TAFA2: variants seen among roughly 807,000 people sequenced by gnomAD.
TAFA2 encodes TAFA chemokine like family member 2, also known as chemokine-like protein TAFA-2.
Under a neutral mutation model 18.8 loss-of-function variants are expected in TAFA2, and 7 were observed. That is an observed-to-expected ratio of 0.37 (90% confidence interval 0.21 to 0.70). TAFA2 has a LOEUF of 0.70. Among genes scored for constraint, TAFA2 ranks in the 30% least tolerant of loss-of-function variants. The probability of loss-of-function intolerance (pLI) is 0.53; values close to 1 mark genes in which losing one functional copy is unlikely to be tolerated. For synonymous variants in TAFA2, 60 were observed against 54.2 expected (o/e 1.11, Z -0.47); for missense variants, 122 against 158.1 (o/e 0.77, Z 1.23).
chr12:61,902,746 T>G (rs566380235), intron 1 of TAFA2, among the ~76,000 whole-genome samples: 1 of 152,272 alleles, frequency 6.6e-6, no homozygotes, highest in South Asian at 2.1e-4. Context: ...GTGCCAAACC[T>G]GCACATTCAA....
At chr12:62,206,832 T>C (rs1404247801) in intron 1 of TAFA2, 2 of 152,110 alleles carry the variant, frequency 1.3e-5, no homozygotes, top group Non-Finnish European at 2.9e-5. Context: ...ATGGACCTGA[T>C]ATCACATATT....
At chr12:61,795,056 T>C (rs370698631) in intron 2 of TAFA2, among the ~76,000 whole-genome samples, 1 of 151,952 alleles carries the variant, frequency 6.6e-6, no homozygotes, top group Non-Finnish European at 1.5e-5. Context: ...GTTAGAATGG[T>C]GATCATTAAA....
chr12:62,006,053 ATTTC>A (rs1880539551), intron 1 of TAFA2, among the ~76,000 whole-genome samples: 1 of 152,028 alleles, frequency 6.6e-6, no homozygotes, highest in Admixed American at 6.6e-5. Context: ...GCTTTATTGT[ATTTC>A]TTTCTTCTCT....
chr12:61,959,269 A>G (rs564632846), intron 1 of TAFA2, among the ~76,000 whole-genome samples: 8 of 152,136 alleles, frequency 5.3e-5, no homozygotes, highest in Admixed American at 5.2e-4. Flanking sequence ...GAAAGTTGAT[A>G]TTTTCATAAT....
intron 2 of TAFA2, among the ~76,000 whole-genome samples, chr12:61,818,146 C>A (rs902906955): frequency 6.6e-6 from 1 of 152,184 alleles, no homozygotes; most frequent in Admixed American, 6.6e-5. Flanking sequence ...TTTTCTAAAG[C>A]CTCGACTTTC....
At position 61,730,271 on chromosome 12, in the gene TAFA2, T is replaced by G. The variant is rs377735160; in HGVS notation, c.385-19854A>C. On this transcript the variant is annotated intron_variant, in intron 4 of 4. Coordinates refer to ENST00000416284, the MANE Select transcript of TAFA2 (RefSeq NM_178539.5). ...TGGTTAGCCAGGATGTTATAGGCAG[T>G]GGAATTAGCTGGTGTATTTTTCTTC... Among the ~76,000 whole-genome samples, 46 of 152,186 alleles carry G rather than the reference T, an allele frequency of 3.0e-4. No individual in the cohort carries two copies. The East Asian group carries it at 8.7e-3, about 29-fold the overall frequency.
intron 1 of TAFA2, among the ~76,000 whole-genome samples, chr12:62,029,352 T>C (rs1011698565): frequency 2.6e-5 from 4 of 152,188 alleles, no homozygotes; most frequent in African/African-American, 7.2e-5. Flanking sequence ...ACATTAATAT[T>C]ATGCTTGTTA....
chr12:61,960,344 C>A (rs1418372339), intron 1 of TAFA2, among the ~76,000 whole-genome samples: 1 of 151,908 alleles, frequency 6.6e-6, no homozygotes, highest in Non-Finnish European at 1.5e-5. Context: ...TCACAATAAC[C>A]CATTACATTG....
At chr12:62,000,745 T>C (rs1880350998) in intron 1 of TAFA2, among the ~76,000 whole-genome samples, 1 of 152,258 alleles carries the variant, frequency 6.6e-6, no homozygotes, top group African/African-American at 2.4e-5. Context: ...TAGAATACTA[T>C]GCAGCAATGC....
rs1192063371 is a variant in TAFA2, at chr12:61,982,723, T to C, written c.-1-115297A>G. ...ATATATGGATAAGAGAGAAAGATCA[T>C]CCTCAAACATATTCATTTACCTTTG... On this transcript the variant is annotated intron_variant, in intron 1 of 4. Transcript: ENST00000416284. Among the ~76,000 whole-genome samples, 6 of 152,042 alleles carry C rather than the reference T, an allele frequency of 3.9e-5. No individual in the cohort carries two copies. In the East Asian group the frequency reaches 1.2e-3, roughly 29 times the overall value.
chr12:61,755,139 G>A (rs1460015457), intron 2 of TAFA2, 115 bp from the exon 3 acceptor site: 1 of 860,280 alleles, frequency 1.2e-6, no homozygotes, highest in African/African-American at 1.7e-5. Context: ...CACCAGGCAT[G>A]AAACGAGAAA....
chr12:62,196,221 T>G (rs1239057036), upstream of TAFA2, among the ~76,000 whole-genome samples: 1 of 152,248 alleles, frequency 6.6e-6, no homozygotes, highest in African/African-American at 2.4e-5. Flanking sequence ...AGACCCTGGC[T>G]AAAAGGAATG....
At chr12:62,241,076 T>G (rs758026383) in intron 1 of TAFA2, among the ~76,000 whole-genome samples, 1 of 152,146 alleles carries the variant, frequency 6.6e-6, no homozygotes, top group Non-Finnish European at 1.5e-5. Context: ...TTTTGCAACA[T>G]GTTATATAAA....
intron 1 of TAFA2, among the ~76,000 whole-genome samples, chr12:62,110,252 T>C (rs930493511): frequency 6.6e-6 from 1 of 152,228 alleles, no homozygotes; most frequent in South Asian, 2.1e-4. Flanking sequence ...GTTTTCGTCA[T>C]TGCTTCTGTT....
At chr12:62,204,591 T>C (rs1407180825) in intron 1 of TAFA2, among the ~76,000 whole-genome samples, 1 of 152,236 alleles carries the variant, frequency 6.6e-6, no homozygotes, top group African/African-American at 2.4e-5. Context: ...CTTTAAGCTC[T>C]GAAATTTTTT....
intron 1 of TAFA2, among the ~76,000 whole-genome samples, chr12:62,005,233 T>C (rs904142825): frequency 6.6e-6 from 1 of 152,108 alleles, no homozygotes; most frequent in African/African-American, 2.4e-5. Context: ...GTTTATTTGC[T>C]TGACTGTAGT....
At chr12:61,791,848 C>T (rs1870995117) in intron 2 of TAFA2, among the ~76,000 whole-genome samples, 2 of 151,526 alleles carry the variant, frequency 1.3e-5, no homozygotes, top group South Asian at 4.1e-4. Flanking sequence ...CTATATGATC[C>T]AGTAATCCAA....
chr12:61,713,336 G>C (rs1306244256), intron 4 of TAFA2, among the ~76,000 whole-genome samples: 1 of 152,068 alleles, frequency 6.6e-6, no homozygotes, highest in Non-Finnish European at 1.5e-5. Context: ...CTTCCACAAC[G>C]TGTCTGTGCT....
chr12:62,235,023 T>A, intron 1 of TAFA2: 1 of 639,092 alleles, frequency 1.6e-6, no homozygotes, highest in Non-Finnish European at 3.0e-6. Context: ...CATTGTAGGG[T>A]CCCCAATATG....
Sources: allele counts gnomAD v4.1 joint callset (sites outside exome capture counted in the v4.1 genomes callset), GRCh38; gene constraint gnomAD v4.1.1; transcripts MANE v1.5; gene names NCBI Gene and HGNC (gene_info 2026-07-23, HGNC 2026-07-21).